Variants in ITGAX observed in about 807,000 individuals in gnomAD.
The protein encoded by ITGAX is integrin subunit alpha X.
In ITGAX, 99 loss-of-function variants were observed where a neutral mutation model predicts 140.2. The ratio of observed to expected loss-of-function variants is 0.71; its 90% CI spans 0.60 to 0.83. ITGAX has a LOEUF of 0.83. ITGAX is among the 40% of genes least tolerant of loss of function. ITGAX has a pLI of 0.00. For synonymous variants in ITGAX, 631 were observed against 600.4 expected (o/e 1.05, Z -0.75); for missense variants, 1,444 against 1,482.0 (o/e 0.97, Z 0.42).
intron 20 of ITGAX, among the ~76,000 whole-genome samples, chr16:31,376,574 G>T (rs1011594181): frequency 6.6e-6 from 1 of 152,200 alleles, no homozygotes; most frequent in Non-Finnish European, 1.5e-5. Flanking sequence ...GCAGTGAGCT[G>T]TGATTGCATC....
chr16:31,372,414 C>T lies in ITGAX; in HGVS notation c.2197C>T (p.Arg733Cys), dbSNP rs555746572. 1.6e-5 allele frequency: 25 copies of T among 1,609,110 alleles called. No homozygotes were observed. Among genetic ancestry groups the T allele is most frequent in the Non-Finnish European group, 1.8e-5 (21 of 1,178,790 alleles). Residue 733 changes from arginine (R) to cysteine (C), a missense_variant, in exon 18 of 30, where the codon CGT becomes TGT. Arg to Cys is a radical substitution (Grantham distance 180). Coordinates refer to ENST00000268296, the MANE Select transcript of ITGAX (RefSeq NM_000887.5). ...GGACTCTGTGACCCCCATTACCTTG[C>T]GTCTGAACTTCACGCTGGTGGGCAA... Reference protein sequence around the residue: ...VEDSVTPITLRLNFTLVGKPL... With the variant: ...VEDSVTPITLCLNFTLVGKPL...
rs2080804410 is a variant in ITGAX at position 31,359,964 on chromosome 16, T to C, written c.606T>C (p.Thr202=). 3.7e-6 allele frequency: 6 copies of C among 1,614,058 alleles called. No homozygotes were observed. The African/African-American group carries it at 8.0e-5, about 22-fold the overall frequency. Residue 202 remains threonine (T), a synonymous_variant, in exon 7 of 30, where the codon ACT becomes ACC. Coordinates refer to ENST00000268296, the MANE Select transcript of ITGAX (RefSeq NM_000887.5). The part of the protein sequence containing the change: ...QFSNKFQTHF[T]FEEFRRSSNP... ...CCAACAAATTCCAAACACACTTCACTTTCGAGGAATTCAGGCGCAGCTCAA... is the reference window on the plus strand; with the variant it reads ...CCAACAAATTCCAAACACACTTCACCTTCGAGGAATTCAGGCGCAGCTCAA...
At chr16:31,376,773 ACTC>A (rs2081022627) in intron 20 of ITGAX, 23 bp from the exon 21 acceptor site, 1 of 1,605,524 alleles carries the variant, frequency 6.2e-7, no homozygotes, top group Admixed American at 1.7e-5. Context: ...TTCAACTAAT[ACTC>A]CTCTACTTTT....
At position 31,373,408 on chromosome 16, in the gene ITGAX, G is replaced by A; in HGVS notation, c.2508+18G>A. 6.2e-7 allele frequency: 1 copy of A among 1,604,012 alleles called. No individual in the cohort carries two copies. The highest frequency in any genetic ancestry group is 8.5e-7 in the Non-Finnish European group (1 of 1,174,676). On this transcript the variant is annotated intron_variant, in intron 20 of 29. Coordinates refer to ENST00000268296, the MANE Select transcript of ITGAX (RefSeq NM_000887.5). ...AGGGCCAGGTGCACCCTCTGGGGAAGGAGGAGGAGGCAGGGCTGGGCGTTA... is the reference window on the plus strand; with the variant it reads ...AGGGCCAGGTGCACCCTCTGGGGAAAGAGGAGGAGGCAGGGCTGGGCGTTA...
rs1401647263 is a variant in ITGAX at position 31,382,764 on chromosome 16, G to T, written c.*857G>T. 1 of 490,908 alleles carries T rather than the reference G, an allele frequency of 2.0e-6. No homozygotes were observed. Among genetic ancestry groups the T allele is most frequent in the Non-Finnish European group, 3.6e-6 (1 of 274,148 alleles). The allele number at this position is 490,908 out of a possible 1,614,324, so 30.4% of individuals were successfully genotyped here. On this transcript the variant is annotated 3_prime_UTR_variant, in exon 30 of 30. Coordinates refer to ENST00000268296, the MANE Select transcript of ITGAX (RefSeq NM_000887.5). ...GAAGGGAGGAGCGCCCTCTAGGGAGGGACATGGCCCCGGTGCGGCTGCAGC... is the reference window on the plus strand; with the variant it reads ...GAAGGGAGGAGCGCCCTCTAGGGAGTGACATGGCCCCGGTGCGGCTGCAGC...
chr16:31,361,746 C>T, intron 9 of ITGAX, 90 bp from the exon 10 acceptor site: 26 of 1,344,504 alleles, frequency 1.9e-5, no homozygotes, highest in Non-Finnish European at 2.8e-5. Context: ...CTGTAGCCTC[C>T]AGTCTTAGCT....
In ITGAX at chr16:31,363,248, G is replaced by A. The variant is rs766271991; in HGVS notation, c.1584G>A (p.Leu528=). ...GCTTTGGGGCGGCTCTGACAGTGCT[G>A]GGGGATGTGAATGGGGACAAGCTGA... ...WGRFGAALTV[L]GDVNGDKLTD... The change falls in exon 14 of 30, where the codon CTG becomes CTA. Residue 528 remains leucine (L), a synonymous_variant. Transcript: ENST00000268296. 5 of 1,613,830 alleles carry A rather than the reference G, an allele frequency of 3.1e-6. No homozygotes were observed. Among genetic ancestry groups the A allele is most frequent in the Non-Finnish European group, 4.2e-6 (5 of 1,179,798 alleles).
At chr16:31,375,465 A>G (rs1464383300) in intron 20 of ITGAX, among the ~76,000 whole-genome samples, 1 of 152,228 alleles carries the variant, frequency 6.6e-6, no homozygotes, top group Non-Finnish European at 1.5e-5. Flanking sequence ...CAAAGCTTCT[A>G]TTGATACATT....
intron 20 of ITGAX, 65 bp from the exon 21 acceptor site, chr16:31,376,734 G>C: frequency 6.8e-7 from 1 of 1,477,014 alleles, no homozygotes; most frequent in Non-Finnish European, 9.5e-7. Flanking sequence ...TGGTGCAAAA[G>C]TAATTGGGTT....
chr16:31,373,820 C>T (rs753859410), intron 20 of ITGAX, among the ~76,000 whole-genome samples: 10 of 152,138 alleles, frequency 6.6e-5, no homozygotes, highest in Non-Finnish European at 1.5e-4. Flanking sequence ...CAGCTGCTAA[C>T]CTCTGGTGTT....
intron 14 of ITGAX, among the ~76,000 whole-genome samples, chr16:31,369,635 G>A (rs888297906): frequency 6.6e-6 from 1 of 152,136 alleles, no homozygotes; most frequent in Non-Finnish European, 1.5e-5. Flanking sequence ...AGGCTTAAAC[G>A]ATTGTTAGCA....
In ITGAX at chr16:31,362,104, C is replaced by T; in HGVS notation, c.1116C>T (p.Ser372=). ...PDGPVLGAVG[S]FTWSGGAFLY... ...GCCCCGTTCTGGGGGCTGTGGGGAG[C>T]TTCACCTGGTCTGGAGGTGCCTTCC... The change falls in exon 11 of 30, where the codon AGC becomes AGT. Residue 372 remains serine, a synonymous_variant. Transcript: ENST00000268296. The T allele has an allele frequency of 6.2e-7, 1 of 1,614,136 alleles. No homozygotes were observed.
At chr16:31,378,390 G>A (rs2081038654) in intron 23 of ITGAX, among the ~76,000 whole-genome samples, 1 of 152,202 alleles carries the variant, frequency 6.6e-6, no homozygotes, top group African/African-American at 2.4e-5. Flanking sequence ...CAGTGGCAGA[G>A]CTCTCTGCTC....
intron 1 of ITGAX, 64 bp downstream of exon 1, chr16:31,355,355 C>T: frequency 6.4e-7 from 1 of 1,571,486 alleles, no homozygotes; most frequent in Non-Finnish European, 8.7e-7. Flanking sequence ...GGGCCCTGAA[C>T]TGGGGGCTCA....
At position 31,371,374 on chromosome 16, in the gene ITGAX, A is replaced by G; in HGVS notation, c.1882A>G (p.Ile628Val). ...VLWVGVSMQF[I>V]PAEIPRSAFE... is the part of the protein sequence containing the mutation. ...CTGGGTGGGGGTGAGCATGCAGTTC[A>G]TACCTGCCGAGATCCCCAGGTCTGC... The change falls in exon 16 of 30, where the codon ATA becomes GTA. Residue 628 changes from isoleucine to valine, a missense_variant. Physicochemically the swap from Ile to Val is conservative, Grantham distance 29. Coordinates refer to ENST00000268296, the MANE Select transcript of ITGAX (RefSeq NM_000887.5). The G allele has an allele frequency of 6.2e-7, 1 of 1,614,148 alleles. No homozygotes were observed. The highest frequency in any genetic ancestry group is 1.1e-5 in the South Asian group (1 of 91,088).
At chr16:31,378,015 A>T (rs561108805) in intron 23 of ITGAX, among the ~76,000 whole-genome samples, 3 of 152,160 alleles carry the variant, frequency 2.0e-5, no homozygotes, top group Non-Finnish European at 4.4e-5. Flanking sequence ...GGAAGAGTGA[A>T]GCAGTGAGGC....
Position 31,359,980 on chromosome 16 carries a change from C to G in ITGAX, c.622C>G (p.Arg208Gly). 1 of 1,614,124 alleles carries G rather than the reference C, an allele frequency of 6.2e-7. No individual in the cohort carries two copies. Among genetic ancestry groups the G allele is most frequent in the Non-Finnish European group, 8.5e-7 (1 of 1,180,042 alleles). ...QTHFTFEEFR[R>G]SSNPLSLLAS... ...ACACTTCACTTTCGAGGAATTCAGG[C>G]GCAGCTCAAACCCCCTCAGCCTGTT... The change falls in exon 7 of 30, where the codon CGC becomes GGC. Residue 208 changes from arginine (R) to glycine (G), a missense_variant. By Grantham distance (125) the Arg-to-Gly change is moderately radical (BLOSUM62 -2). Transcript: ENST00000268296.
At chr16:31,355,340 A>G (rs1380976936) in intron 1 of ITGAX, 49 bp downstream of exon 1, 2 of 1,604,584 alleles carry the variant, frequency 1.2e-6, no homozygotes. Context: ...GGCCCAAGGG[A>G]GCCAGGGCCC....
chr16:31,359,787 T>C lies in ITGAX; in HGVS notation c.518T>C (p.Phe173Ser). ...SSRNFATMMN[F>S]VRAVISQFQR... ...CGCAACTTTGCCACGATGATGAACTTCGTGAGAGCTGTGATAAGCCAGTTC... is the reference window on the plus strand; with the variant it reads ...CGCAACTTTGCCACGATGATGAACTCCGTGAGAGCTGTGATAAGCCAGTTC... Residue 173 changes from phenylalanine (F) to serine (S), a missense_variant, in exon 6 of 30, where the codon TTC becomes TCC. Coordinates refer to ENST00000268296, the MANE Select transcript of ITGAX (RefSeq NM_000887.5). 1 of 1,614,144 alleles carries C rather than the reference T, an allele frequency of 6.2e-7. No homozygotes were observed. Among genetic ancestry groups the C allele is most frequent in the Non-Finnish European group, 8.5e-7 (1 of 1,180,030 alleles).
Sources: gnomAD v4.1 joint callset for allele counts (sites outside exome capture counted in the v4.1 genomes callset) on GRCh38, gnomAD v4.1.1 for gene constraint, MANE v1.5 for transcripts, NCBI Gene and HGNC (gene_info 2026-07-23, HGNC 2026-07-21) for gene names.